Variants in FOXP2 observed in about 807,000 individuals in gnomAD.
FOXP2 encodes the protein forkhead box P2.
FOXP2 carries 12 observed loss-of-function variants against 115.8 expected under a neutral mutation model. The observed-to-expected ratio is 0.10, with a 90% CI of 0.07 to 0.17. FOXP2 has a LOEUF of 0.17. FOXP2 is among the 10% of genes least tolerant of loss of function. FOXP2 has a pLI of 1.00. For synonymous variants in FOXP2, 328 were observed against 297.7 expected (o/e 1.10, Z -1.05); for missense variants, 629 against 843.5 (o/e 0.75, Z 3.15).
At chr7:114,470,423 A>G (rs1392179051) in intron 2 of FOXP2, among the ~76,000 whole-genome samples, 3 of 152,290 alleles carry the variant, frequency 2.0e-5, no homozygotes, top group Admixed American at 6.5e-5. Flanking sequence ...AAGTTATTTT[A>G]TGATACTTAT....
At chr7:114,668,733 C>T (rs957931053) in intron 16 of FOXP2, 2 of 152,140 alleles carry the variant, frequency 1.3e-5, no homozygotes, top group African/African-American at 2.4e-5. Flanking sequence ...AATGACAAGT[C>T]CCTTAAAGAC....
chr7:114,330,137 C>A (rs1420075567), intron 2 of FOXP2, among the ~76,000 whole-genome samples: 2 of 151,764 alleles, frequency 1.3e-5, no homozygotes, highest in African/African-American at 4.8e-5. Context: ...AGGTTTTAAT[C>A]GACATTATCC....
intron 1 of FOXP2, among the ~76,000 whole-genome samples, chr7:114,247,608 A>C (rs1183043869): frequency 6.6e-6 from 1 of 152,192 alleles, no homozygotes; most frequent in Non-Finnish European, 1.5e-5. Flanking sequence ...TCATAGAATG[A>C]ATGGCAGTCT....
chr7:114,510,672 G>A (rs1798025954), intron 2 of FOXP2, among the ~76,000 whole-genome samples: 2 of 152,166 alleles, frequency 1.3e-5, no homozygotes, highest in South Asian at 2.1e-4. Flanking sequence ...TTTCATGCCA[G>A]TTAGAATGGC....
chr7:114,146,512 T>C lies in FOXP2; in HGVS notation c.-246-16432T>C, dbSNP rs111813706. ...CAATGGTAGATTGAGGAGGATGCGA[T>C]TGATGAAGTTGGAAAAGAAAAGAAA... On this transcript the variant is annotated intron_variant, in intron 1 of 19. Transcript: ENST00000635638. Among the ~76,000 whole-genome samples the C allele has an allele frequency of 5.7e-3, 872 of 152,256 alleles. 13 individuals carry two copies. The highest frequency in any genetic ancestry group is 0.02 in the African/African-American group (828 of 41,550).
intron 1 of FOXP2, among the ~76,000 whole-genome samples, chr7:114,192,224 A>T (rs1010351846): frequency 6.6e-6 from 1 of 151,962 alleles, no homozygotes; most frequent in Non-Finnish European, 1.5e-5. Flanking sequence ...TGACCTCGTG[A>T]TCTGCCCGCC....
intron 2 of FOXP2, among the ~76,000 whole-genome samples, chr7:114,434,449 G>GA (rs1282295019): frequency 8.1e-6 from 1 of 122,748 alleles, no homozygotes; most frequent in Non-Finnish European, 1.7e-5. Context: ...GGGGGGGGGG[G>GA]ATAAGGTACA....
intron 16 of FOXP2, chr7:114,667,477 G>T (rs956894172): frequency 6.6e-6 from 1 of 151,922 alleles, no homozygotes; most frequent in Non-Finnish European, 1.5e-5. Context: ...CTTATTATAG[G>T]TAGCACATTA....
chr7:114,091,643 A>G (rs1398445702), intron 1 of FOXP2, among the ~76,000 whole-genome samples: 2 of 151,796 alleles, frequency 1.3e-5, no homozygotes, highest in Non-Finnish European at 3.0e-5. Context: ...TATTTTAATG[A>G]TTTACAGCTG....
chr7:114,089,111 TCA>T (rs1799491298), intron 1 of FOXP2, among the ~76,000 whole-genome samples: 1 of 152,104 alleles, frequency 6.6e-6, no homozygotes, highest in Non-Finnish European at 1.5e-5. Context: ...AGACTCATAT[TCA>T]GTCGTCAGTC....
intron 3 of FOXP2, among the ~76,000 whole-genome samples, chr7:114,552,393 A>G (rs563741047): frequency 6.6e-6 from 1 of 152,156 alleles, no homozygotes; most frequent in Admixed American, 6.5e-5. Context: ...TTTTCTGTCA[A>G]CTGGGAAGAC....
chr7:114,572,870 G>A (rs1801388903), intron 3 of FOXP2, among the ~76,000 whole-genome samples: 1 of 151,880 alleles, frequency 6.6e-6, no homozygotes, highest in South Asian at 2.1e-4. Flanking sequence ...CAGAGGCCAT[G>A]TAATTTCTCA....
At chr7:114,237,428 G>A (rs896208654) in intron 1 of FOXP2, among the ~76,000 whole-genome samples, 12 of 152,104 alleles carry the variant, frequency 7.9e-5, no homozygotes, top group South Asian at 2.1e-4. Flanking sequence ...TGGGACAATC[G>A]AAATTGAATA....
chr7:114,570,908 T>G, intron 3 of FOXP2: 1 of 1,601,550 alleles, frequency 6.2e-7, no homozygotes, highest in Non-Finnish European at 8.6e-7. Flanking sequence ...AATTAGAAAT[T>G]CAGCTACTAG....
At chr7:114,376,899 T>C (rs1792152204) in intron 2 of FOXP2, among the ~76,000 whole-genome samples, 1 of 152,160 alleles carries the variant, frequency 6.6e-6, no homozygotes, top group Non-Finnish European at 1.5e-5. Flanking sequence ...AAAGGCCTCT[T>C]TTTTATAGAC....
chr7:114,609,212 C>CAAAA (rs960716714), intron 3 of FOXP2, among the ~76,000 whole-genome samples: 1 of 92,228 alleles, frequency 1.1e-5, no homozygotes, highest in Non-Finnish European at 2.3e-5. Flanking sequence ...GACTCTGTCT[C>CAAAA]AAAAAAAAAA....
chr7:114,652,851 G>C (rs1584995954), intron 9 of FOXP2, among the ~76,000 whole-genome samples: 1 of 152,158 alleles, frequency 6.6e-6, no homozygotes, highest in Non-Finnish European at 1.5e-5. Flanking sequence ...CACACATGTT[G>C]TATCAAATGC....
chr7:114,302,341 A>G lies in FOXP2; in HGVS notation c.-11+14232A>G, dbSNP rs113658678. On this transcript the variant is annotated intron_variant, in intron 2 of 17. Transcript: ENST00000634411. ...AAACCACTGGGTTTTATAAATTTAT[A>G]TATATGTACAAATATTCATGTATTA... 2.3e-3 allele frequency among the ~76,000 whole-genome samples: 357 copies of G among 152,252 alleles called. 1 individual carries two copies. The highest frequency in any genetic ancestry group is 8.2e-3 in the African/African-American group (339 of 41,570).
At chr7:114,272,007 A>G (rs1253003879) in intron 1 of FOXP2, among the ~76,000 whole-genome samples, 5 of 136,830 alleles carry the variant, frequency 3.7e-5, no homozygotes, top group Non-Finnish European at 4.6e-5. Flanking sequence ...ATGTAATATT[A>G]TAATTATAAT....
Sources: allele counts gnomAD v4.1 joint callset (sites outside exome capture counted in the v4.1 genomes callset), GRCh38; gene constraint gnomAD v4.1.1; transcripts MANE v1.5; gene names NCBI Gene and HGNC (gene_info 2026-07-23, HGNC 2026-07-21).